DAB1: variants seen among roughly 807,000 people sequenced by gnomAD.
DAB1 encodes the protein DAB adaptor protein 1.
A neutral mutation model predicts 64.6 loss-of-function variants in DAB1; 15 were observed. That is an observed-to-expected ratio of 0.23 (90% confidence interval 0.16 to 0.36). The LOEUF (loss-of-function observed/expected upper bound fraction) is 0.36, where lower values mean the gene tolerates loss of function less well. Among genes scored for constraint, DAB1 ranks in the 10% least tolerant of loss-of-function variants. The probability of loss-of-function intolerance (pLI) is 1.00; values close to 1 mark genes in which losing one functional copy is unlikely to be tolerated. For missense variants in DAB1, 596 were observed against 706.7 expected, an observed-to-expected ratio of 0.84 and a Z score of 1.78; for synonymous variants, 235 against 251.9, an observed-to-expected ratio of 0.93 and a Z score of 0.64.
At chr1:58,252,835 C>T (rs1547750) in intron 4 of DAB1, among the ~76,000 whole-genome samples, 15,616 of 152,136 alleles carry the variant, frequency 0.1, 1,156 homozygotes, top group Admixed American at 0.18. Flanking sequence ...CCCAGGGCCC[C>T]GAAGCACTTA....
intron 2 of DAB1, among the ~76,000 whole-genome samples, chr1:57,175,786 G>C (rs758714436): frequency 1.3e-5 from 2 of 152,168 alleles, no homozygotes; most frequent in Non-Finnish European, 2.9e-5. Flanking sequence ...AATGCAGAGC[G>C]TACCAGGTAC....
chr1:57,549,939 A>T (rs576505332), intron 7 of DAB1, among the ~76,000 whole-genome samples: 2 of 152,308 alleles, frequency 1.3e-5, no homozygotes, highest in Non-Finnish European at 2.9e-5. Flanking sequence ...GGGCAAAGGC[A>T]TCTTTTGTTG....
intron 7 of DAB1, among the ~76,000 whole-genome samples, chr1:57,433,949 C>A (rs1437844036): frequency 1.3e-5 from 2 of 151,376 alleles, no homozygotes; most frequent in Non-Finnish European, 2.9e-5. Context: ...AATAAGACAC[C>A]ACTTCACACT....
intron 7 of DAB1, among the ~76,000 whole-genome samples, chr1:57,594,466 G>A (rs571606878): frequency 6.6e-6 from 1 of 151,692 alleles, no homozygotes; most frequent in Non-Finnish European, 1.5e-5. Flanking sequence ...TAGGGTGACT[G>A]TCCAGGGTGC....
At chr1:57,452,211 A>G (rs1686409310) in intron 7 of DAB1, among the ~76,000 whole-genome samples, 1 of 113,926 alleles carries the variant, frequency 8.8e-6, no homozygotes, top group Non-Finnish European at 1.6e-5. Context: ...TCTCTCACCC[A>G]GGCTGGAGTG....
rs148299651 is a variant in DAB1, at chr1:57,336,871, AG to A, written c.-136-45706del. Among the ~76,000 whole-genome samples, 1,171 of 152,284 alleles carry A rather than the reference AG, an allele frequency of 7.7e-3. 19 individuals are homozygous for A. The highest frequency in any genetic ancestry group is 0.027 in the African/African-American group (1,114 of 41,544). ...AAGGAAATAGACTCAAGGCTAAATG[AG>A]TCTGCTCAAGGTCGCCCTCCCAGCA... On this transcript the variant is annotated intron_variant, in intron 1 of 14. Coordinates refer to ENST00000371236, the MANE Select transcript of DAB1 (RefSeq NM_001365792.1).
chr1:57,669,929 A>G (rs1646490973), intron 6 of DAB1, among the ~76,000 whole-genome samples: 1 of 151,544 alleles, frequency 6.6e-6, no homozygotes, highest in Non-Finnish European at 1.5e-5. Context: ...GAAATCTTTA[A>G]GACAATCTTT....
chr1:57,031,275 CA>C (rs1646958877), intron 9 of DAB1, among the ~76,000 whole-genome samples: 1 of 152,082 alleles, frequency 6.6e-6, no homozygotes, highest in African/African-American at 2.4e-5. Flanking sequence ...CATATGTGGT[CA>C]AGAATCTGAA....
chr1:58,300,544 A>AAAAAGAAAGAAAGAAAG (rs1359971427), intron 4 of DAB1, among the ~76,000 whole-genome samples: 4 of 101,182 alleles, frequency 4.0e-5, no homozygotes, highest in Admixed American at 2.3e-4. Context: ...TGAAACTCTG[A>AAAAAGAAAGAAAGAAAG]AAAGAAAGAA....
intron 6 of DAB1, among the ~76,000 whole-genome samples, chr1:57,818,615 A>G (rs1032045955): frequency 1.3e-5 from 2 of 151,996 alleles, no homozygotes; most frequent in Non-Finnish European, 2.9e-5. Context: ...AATGCTTGTG[A>G]AACCCTACGC....
At chr1:57,715,613 A>G (rs1557439572) in intron 6 of DAB1, among the ~76,000 whole-genome samples, 1 of 152,220 alleles carries the variant, frequency 6.6e-6, no homozygotes, top group Non-Finnish European at 1.5e-5. Context: ...AAATCAACAT[A>G]TAATATTGGT....
chr1:58,460,455 T>C (rs575653069), intron 3 of DAB1, among the ~76,000 whole-genome samples: 5 of 152,284 alleles, frequency 3.3e-5, no homozygotes, highest in African/African-American at 9.6e-5. Context: ...ATTTCCAAAA[T>C]TGCATTGTTT....
intron 3 of DAB1, among the ~76,000 whole-genome samples, chr1:58,379,220 T>G (rs1435491761): frequency 6.6e-6 from 1 of 152,222 alleles, no homozygotes; most frequent in Non-Finnish European, 1.5e-5. Flanking sequence ...GCTTACTATT[T>G]TCTTCCATGG....
intron 14 of DAB1, among the ~76,000 whole-genome samples, chr1:57,008,379 A>G (rs1646157353): frequency 1.3e-5 from 2 of 152,222 alleles, no homozygotes; most frequent in African/African-American, 4.8e-5. Context: ...AAAATCCAAG[A>G]GAGTGGGGAG....
At chr1:58,411,316 A>C (rs1446699569) in intron 3 of DAB1, among the ~76,000 whole-genome samples, 1 of 152,220 alleles carries the variant, frequency 6.6e-6, no homozygotes, top group Non-Finnish European at 1.5e-5. Context: ...TAGTCGCTGC[A>C]ACACCCTGGG....
chr1:58,291,904 C>G (rs148652012), intron 4 of DAB1, among the ~76,000 whole-genome samples: 183 of 152,286 alleles, frequency 1.2e-3, no homozygotes, highest in African/African-American at 4.2e-3. Flanking sequence ...AAAATTATTT[C>G]TGTGTGTGTC....
chr1:57,391,034 T>C (rs1170355102), intron 1 of DAB1, among the ~76,000 whole-genome samples: 2 of 152,216 alleles, frequency 1.3e-5, no homozygotes, highest in Admixed American at 6.5e-5. Context: ...TGTAGCTGAA[T>C]AGAAGCTTAA....
chr1:57,921,829 C>CA (rs1347241031), intron 5 of DAB1, among the ~76,000 whole-genome samples: 1 of 152,154 alleles, frequency 6.6e-6, no homozygotes, highest in Non-Finnish European at 1.5e-5. Context: ...AAATTCCCAC[C>CA]ATGGCCTCTA....
intron 6 of DAB1, among the ~76,000 whole-genome samples, chr1:57,754,826 C>T (rs956411956): frequency 3.9e-5 from 6 of 152,134 alleles, no homozygotes; most frequent in African/African-American, 1.4e-4. Flanking sequence ...TGACTCCAGG[C>T]CTCCTTTTCT....
Sources: gnomAD v4.1 joint callset for allele counts (sites outside exome capture counted in the v4.1 genomes callset) on GRCh38, gnomAD v4.1.1 for gene constraint, MANE v1.5 for transcripts, NCBI Gene and HGNC (gene_info 2026-07-23, HGNC 2026-07-21) for gene names.